Variants in CUX2 observed in about 807,000 individuals in gnomAD.
The protein encoded by CUX2 is homeobox protein cut-like 2.
Under a neutral mutation model 144.8 loss-of-function variants are expected in CUX2, and 40 were observed. That is an observed-to-expected ratio of 0.28 (90% confidence interval 0.21 to 0.36). CUX2 has a LOEUF of 0.36. Among genes scored for constraint, CUX2 ranks in the 10% least tolerant of loss-of-function variants. The pLI, the probability that CUX2 is intolerant of heterozygous loss-of-function variation, is 1.00. For synonymous variants in CUX2, 827 were observed against 875.6 expected (o/e 0.94, Z 0.98); for missense variants, 1,615 against 1,994.0 (o/e 0.81, Z 3.62).
chr12:111,180,389 A>G (rs1879092456), intron 1 of CUX2, among the ~76,000 whole-genome samples: 1 of 152,158 alleles, frequency 6.6e-6, no homozygotes, highest in African/African-American at 2.4e-5. Flanking sequence ...TCTCAGCCTG[A>G]GTCTGCAGAC....
At chr12:111,201,688 GCACCTTCTCA>G (rs1880608438) in intron 1 of CUX2, among the ~76,000 whole-genome samples, 1 of 152,104 alleles carries the variant, frequency 6.6e-6, no homozygotes, top group Non-Finnish European at 1.5e-5. Flanking sequence ...CCTGCACCTG[GCACCTTCTCA>G]GCCCTGCATG....
At chr12:111,276,757 T>C (rs867096697) in intron 4 of CUX2, among the ~76,000 whole-genome samples, 5 of 152,242 alleles carry the variant, frequency 3.3e-5, no homozygotes, top group East Asian at 3.9e-4. Context: ...AGGCGATTCT[T>C]CTGCCTCAGC....
At chr12:111,220,743 CAAAAAAAAAAAAAAAAAAAA>C (rs549438290) in intron 3 of CUX2, among the ~76,000 whole-genome samples, 167 of 39,156 alleles carry the variant, frequency 4.3e-3, no homozygotes, top group African/African-American at 0.011. Context: ...CTCATCTCTG[CAAAAAAAAAAAAAAAAAAAA>C]AAAAAAAAAA....
chr12:111,173,456 G>A (rs761998155), intron 1 of CUX2, among the ~76,000 whole-genome samples: 1 of 152,200 alleles, frequency 6.6e-6, no homozygotes, highest in Admixed American at 6.5e-5. Flanking sequence ...ATATAGTTCC[G>A]GGGCACCTAC....
chr12:111,295,355 A>C lies in CUX2; in HGVS notation c.583A>C (p.Thr195Pro). The C allele has an allele frequency of 6.2e-7, 1 of 1,613,200 alleles. No individual in the cohort carries two copies. The highest frequency in any genetic ancestry group is 8.5e-7 in the Non-Finnish European group (1 of 1,179,674). Residue 195 changes from threonine to proline, a missense_variant, in exon 7 of 22, where the codon ACT (threonine) becomes CCT (proline). Thr to Pro is a conservative substitution (Grantham distance 38). Around this residue, in one of 12 missense-constraint regions of CUX2, gnomAD observed 295 missense variants for 400.2 expected, o/e 0.74. Transcript: ENST00000261726. This position sits in a 1 kb window ranked among gnomAD's most constrained non-coding sequence, Gnocchi z 5.0. The stretch of plus-strand genomic sequence containing the variant: ...CAGGGGCCTTCAAGAAGTACAGATC[A>C]CTTTGGCGGCCAGACTGGGGGAGGC... ...KQKGLQEVQI[T>P]LAARLGEAEE...
At chr12:111,198,689 G>A (rs1880389663) in intron 1 of CUX2, among the ~76,000 whole-genome samples, 1 of 152,244 alleles carries the variant, frequency 6.6e-6, no homozygotes, top group African/African-American at 2.4e-5. Context: ...TGCTTTAGAG[G>A]CAGGGGTGCC....
rs142780618 is a variant in CUX2 at position 111,196,617 on chromosome 12, T to A, written c.64-17583T>A. ...GGGCATACAACAAAATCGCACATCC[T>A]CAGGTGTTCTAAAACAGCACTGTCC... On this transcript the variant is annotated intron_variant, in intron 1 of 21. Coordinates refer to ENST00000261726, the MANE Select transcript of CUX2 (RefSeq NM_015267.4). 3.1e-3 allele frequency among the ~76,000 whole-genome samples: 479 copies of A among 152,274 alleles called. 2 individuals are homozygous for A. The highest frequency in any genetic ancestry group is 0.011 in the African/African-American group (440 of 41,528).
chr12:111,122,916 C>T (rs182919660), intron 1 of CUX2, among the ~76,000 whole-genome samples: 97 of 152,308 alleles, frequency 6.4e-4, no homozygotes, highest in South Asian at 2.3e-3. Flanking sequence ...GCAACAGAAG[C>T]CCAGGAAGGT....
chr12:111,134,018 G>T (rs1392687190), intron 1 of CUX2, among the ~76,000 whole-genome samples: 2 of 152,148 alleles, frequency 1.3e-5, no homozygotes. Context: ...AACTTGCATT[G>T]TAATTCAGCC....
In CUX2 at chr12:111,333,029, G is replaced by A. The variant is rs141868028; in HGVS notation, c.2927-1412G>A. On this transcript the variant is annotated intron_variant, in intron 18 of 21. Coordinates refer to ENST00000261726, the MANE Select transcript of CUX2 (RefSeq NM_015267.4). ...TTGAGACCAGCCTGGCCAACATGGT[G>A]GAACCCCGTCTCTACTAAGAATACA... is the stretch of plus-strand genomic sequence containing the variant. Among the ~76,000 whole-genome samples, 120 of 152,214 alleles carry A rather than the reference G, an allele frequency of 7.9e-4. No individual in the cohort carries two copies. The South Asian group carries it at 8.5e-3, about 11-fold the overall frequency.
chr12:111,187,660 G>C (rs1270836343), intron 1 of CUX2, among the ~76,000 whole-genome samples: 2 of 152,222 alleles, frequency 1.3e-5, no homozygotes, highest in Admixed American at 6.5e-5. Flanking sequence ...TGCACAACAG[G>C]CCGGCTGGGT....
intron 8 of CUX2, 38 bp downstream of exon 8, chr12:111,296,577 A>C: frequency 6.3e-7 from 1 of 1,577,532 alleles, no homozygotes; most frequent in Non-Finnish European, 8.6e-7. Flanking sequence ...CCTCCCTTGG[A>C]GGCCTCCCAG....
Position 111,273,175 on chromosome 12 carries a change from G to A in CUX2, c.301+9336G>A, listed in dbSNP as rs574633466. 2.6e-3 allele frequency among the ~76,000 whole-genome samples: 394 copies of A among 152,292 alleles called. 4 individuals carry two copies. Among genetic ancestry groups the A allele is most frequent in the African/African-American group, 9.1e-3 (377 of 41,562 alleles). On this transcript the variant is annotated intron_variant, in intron 4 of 21. Transcript: ENST00000261726. ...CTTCAAGGAAGGATGGCTGGCAGAG[G>A]CCTCAGAGAGGGAGGCCTTTGGACC...
Position 111,059,944 on chromosome 12 carries a change from C to T in CUX2, c.63+25704C>T, listed in dbSNP as rs1870692443. On this transcript the variant is annotated intron_variant, in intron 1 of 21. Transcript: ENST00000261726. This position sits in a 1 kb window ranked among gnomAD's most constrained non-coding sequence, Gnocchi z 5.3. ...CATGGTCTTTCCAGCAGGTCCAGGG[C>T]TCCATTTAGAATCACTCCCGGGAAA... Among the ~76,000 whole-genome samples the T allele has an allele frequency of 6.6e-6, 1 of 152,130 alleles. No homozygotes were observed. Among genetic ancestry groups the T allele is most frequent in the Admixed American group, 6.5e-5 (1 of 15,282 alleles).
intron 1 of CUX2, among the ~76,000 whole-genome samples, chr12:111,081,424 T>C (rs767040725): frequency 2.0e-5 from 3 of 152,074 alleles, no homozygotes; most frequent in Non-Finnish European, 4.4e-5. Context: ...GCACATGTGG[T>C]GTAGTTTCTG....
intron 3 of CUX2, among the ~76,000 whole-genome samples, chr12:111,243,813 C>T (rs1883147184): frequency 6.6e-6 from 1 of 152,128 alleles, no homozygotes; most frequent in Non-Finnish European, 1.5e-5. Context: ...AAGTCCCAGG[C>T]AAACTGAGAC....
chr12:111,282,299 G>A (rs1885151931), intron 4 of CUX2, among the ~76,000 whole-genome samples: 1 of 149,084 alleles, frequency 6.7e-6, no homozygotes, highest in African/African-American at 2.5e-5. Flanking sequence ...TCCAGCCTGG[G>A]CGACAGAGCG....
chr12:111,223,352 G>A (rs61239872), intron 3 of CUX2, among the ~76,000 whole-genome samples: 2,006 of 152,210 alleles, frequency 0.013, 46 homozygotes, highest in African/African-American at 0.045. Context: ...TGTTTGCTGC[G>A]CTTCACATTG....
At position 111,071,395 on chromosome 12, in the gene CUX2, A is replaced by G. The variant is rs551329298; in HGVS notation, c.63+37155A>G. Reference sequence around the variant, plus strand: ...TATACGACTTGGAGCATCTTTTCATATGCTTATTTGCATATACTGTATATC... The same window carrying G: ...TATACGACTTGGAGCATCTTTTCATGTGCTTATTTGCATATACTGTATATC... On this transcript the variant is annotated intron_variant, in intron 1 of 21. Transcript: ENST00000261726. Among the ~76,000 whole-genome samples the G allele has an allele frequency of 2.6e-5, 4 of 152,224 alleles. 1 individual carries two copies. The highest frequency in any genetic ancestry group is 7.2e-5 in the African/African-American group (3 of 41,530).
Sources: gnomAD v4.1 joint callset for allele counts (sites outside exome capture counted in the v4.1 genomes callset) on GRCh38, gnomAD v4.1.1 for gene constraint, gnomAD v4.1.1 regional missense constraint, Gnocchi (gnomAD v3.1) non-coding constraint, MANE v1.5 for transcripts, NCBI Gene and HGNC (gene_info 2026-07-23, HGNC 2026-07-21) for gene names.